The following MYOM1 variants were observed in gnomAD, a reference collection of about 807,000 sequenced individuals.
The protein encoded by MYOM1 is myomesin-1.
In MYOM1, 164 loss-of-function variants were observed where a neutral mutation model predicts 205.3. The ratio of observed to expected loss-of-function variants is 0.80; its 90% CI spans 0.70 to 0.91. The LOEUF is 0.91. MYOM1 is among the 40% of genes least tolerant of loss of function. The pLI is 0.00. For synonymous variants in MYOM1, 772 were observed against 789.4 expected, an observed-to-expected ratio of 0.98 and a Z score of 0.37; for missense variants, 2,011 against 2,127.3, an observed-to-expected ratio of 0.95 and a Z score of 1.08.
At chr18:3,175,046 AT>A (rs1442311065) in intron 6 of MYOM1, among the ~76,000 whole-genome samples, 2 of 151,676 alleles carry the variant, frequency 1.3e-5, no homozygotes, top group African/African-American at 2.4e-5. Context: ...ATTTGTGTAA[AT>A]TTTTTTTCTT....
At chr18:3,114,569 T>A (rs1407832256) in intron 21 of MYOM1, among the ~76,000 whole-genome samples, 1 of 131,992 alleles carries the variant, frequency 7.6e-6, no homozygotes, top group Admixed American at 7.6e-5. Flanking sequence ...TTTTTTTTTT[T>A]AGAGACAGGG....
At chr18:3,240,115 T>TAA in the MYOM1 span, among the ~76,000 whole-genome samples, 7 of 152,220 alleles carry the variant, frequency 4.6e-5, no homozygotes, top group Admixed American at 3.9e-4. Flanking sequence ...GATTCAAAAA[T>TAA]AATATTTGTG....
chr18:3,218,974 C>A (rs972073940), intron 1 of MYOM1, among the ~76,000 whole-genome samples: 6 of 152,092 alleles, frequency 3.9e-5, no homozygotes, highest in Non-Finnish European at 8.8e-5. Flanking sequence ...ATTGTCACAG[C>A]CCTGACCTCT....
intron 29 of MYOM1, among the ~76,000 whole-genome samples, chr18:3,087,792 T>G (rs868383021): frequency 6.6e-6 from 1 of 152,088 alleles, no homozygotes; most frequent in Non-Finnish European, 1.5e-5. Flanking sequence ...TCCCTGCCCC[T>G]CCTACTTTTT....
At chr18:3,174,268 G>A in intron 6 of MYOM1, 60 bp from the exon 7 acceptor site, 1 of 1,443,194 alleles carries the variant, frequency 6.9e-7, no homozygotes, top group Non-Finnish European at 9.7e-7. Context: ...ATTACTAGCT[G>A]TTCTATCAAG....
chr18:3,227,256 A>G, the MYOM1 span, among the ~76,000 whole-genome samples: 1 of 152,112 alleles, frequency 6.6e-6, no homozygotes, highest in Non-Finnish European at 1.5e-5. Flanking sequence ...CTGTGAAGGT[A>G]TATACATACA....
rs9967247 is a variant in MYOM1, at chr18:3,209,306, A to T, written c.290+5628T>A. On this transcript the variant is annotated intron_variant, in intron 2 of 37. Coordinates refer to ENST00000356443, the MANE Select transcript of MYOM1 (RefSeq NM_003803.4). This position sits in a 1 kb window ranked among gnomAD's most constrained non-coding sequence, Gnocchi z 4.0. ...AGAAATCTGACGGAATTCAGAACTCAGCCATGACCAGTAGATCCTCACATC... is the reference window on the plus strand; with the variant it reads ...AGAAATCTGACGGAATTCAGAACTCTGCCATGACCAGTAGATCCTCACATC... Among the ~76,000 whole-genome samples, 7,595 of 152,236 alleles carry T rather than the reference A, an allele frequency of 0.05. 587 individuals carry two copies. Among genetic ancestry groups the T allele is most frequent in the African/African-American group, 0.17 (6,869 of 41,520 alleles).
chr18:3,094,158 T>C lies in MYOM1; in HGVS notation c.3864+12A>G, dbSNP rs370173085. The C allele has an allele frequency of 2.3e-5, 37 of 1,613,486 alleles. No individual in the cohort carries two copies. The African/African-American group carries it at 4.1e-4, about 18-fold the overall frequency. ...ATGATACATTAAAAAGTCTAAACAGTGTAAAACCTACCGGGCCTTCAAAAA... is the reference window on the plus strand; with the variant it reads ...ATGATACATTAAAAAGTCTAAACAGCGTAAAACCTACCGGGCCTTCAAAAA... On this transcript the variant is annotated intron_variant, in intron 26 of 37. Transcript: ENST00000356443.
chr18:3,124,832 C>T (rs141233370), intron 19 of MYOM1, among the ~76,000 whole-genome samples: 1 of 152,012 alleles, frequency 6.6e-6, no homozygotes, highest in Non-Finnish European at 1.5e-5. Flanking sequence ...CACAAAGGCA[C>T]AAAAATCACT....
At position 3,100,276 on chromosome 18, in the gene MYOM1, T is replaced by C. The variant is rs201427969; in HGVS notation, c.3682+44A>G. ...AAGTCACTTAAGAATAACTGAGAAT[T>C]CAAAGCAACATTCGATGTGTGAATG... is the stretch of plus-strand genomic sequence containing the variant. On this transcript the variant is annotated intron_variant, in intron 24 of 37. Transcript: ENST00000356443. 5 of 1,612,684 alleles carry C rather than the reference T, an allele frequency of 3.1e-6. No homozygotes were observed. The East Asian group carries it at 1.1e-4, about 36-fold the overall frequency.
intron 10 of MYOM1, among the ~76,000 whole-genome samples, 194 bp from the exon 11 acceptor site, chr18:3,155,282 T>G (rs928403035): frequency 4.6e-5 from 7 of 152,070 alleles, no homozygotes; most frequent in Non-Finnish European, 8.8e-5. Flanking sequence ...AGGGCAGAGG[T>G]GGGATCTCAG....
intron 25 of MYOM1, among the ~76,000 whole-genome samples, chr18:3,096,473 G>T (rs1268135487): frequency 6.8e-6 from 1 of 148,132 alleles, no homozygotes; most frequent in Non-Finnish European, 1.5e-5. Context: ...TTTTGAGATG[G>T]AGTCTCACTC....
At chr18:3,096,773 T>C (rs2079311121) in intron 25 of MYOM1, among the ~76,000 whole-genome samples, 1 of 152,166 alleles carries the variant, frequency 6.6e-6, no homozygotes, top group Non-Finnish European at 1.5e-5. Flanking sequence ...TTATGCAGCA[T>C]GCTGATAATA....
intron 5 of MYOM1, among the ~76,000 whole-genome samples, chr18:3,185,055 G>A (rs1272990476): frequency 6.6e-6 from 1 of 152,222 alleles, no homozygotes; most frequent in Admixed American, 6.5e-5. Flanking sequence ...GGAATTTGAA[G>A]GGTTGACAGT....
intron 19 of MYOM1, among the ~76,000 whole-genome samples, chr18:3,122,588 A>C (rs2079712170): frequency 2.0e-5 from 3 of 152,208 alleles, no homozygotes; most frequent in African/African-American, 4.8e-5. Context: ...TTAGTATTAA[A>C]TTAATTCTAG....
rs754986396 is a variant in MYOM1, at chr18:3,188,859, A to AGACTGCCTGGATGCCGTG, written c.642_659dup (p.Thr215_Ser220dup). The AGACTGCCTGGATGCCGTG allele has an allele frequency of 5.1e-5, 82 of 1,612,954 alleles. No homozygotes were observed. The highest frequency in any genetic ancestry group is 3.6e-4 in the African/African-American group (27 of 74,546). On this transcript the variant is annotated inframe_insertion, in exon 4 of 38. Coordinates refer to ENST00000356443, the MANE Select transcript of MYOM1 (RefSeq NM_003803.4). Reference sequence around the variant, plus strand: ...CGGATGTGGCCTGTTTGGAAACCACAGACTGCCTGGATGCCGTGGACTGCC... The same window carrying AGACTGCCTGGATGCCGTG: ...CGGATGTGGCCTGTTTGGAAACCACAGACTGCCTGGATGCCGTGGACTGCCTGGATGCCGTGGACTGCC...
chr18:3,082,932 A>C (rs2079101393), intron 33 of MYOM1, among the ~76,000 whole-genome samples: 1 of 152,186 alleles, frequency 6.6e-6, no homozygotes, highest in African/African-American at 2.4e-5. Flanking sequence ...AACAACAACA[A>C]TAATCTTGGG....
At chr18:3,128,401 T>G (rs1262207695) in intron 18 of MYOM1, among the ~76,000 whole-genome samples, 1 of 152,184 alleles carries the variant, frequency 6.6e-6, no homozygotes, top group Admixed American at 6.5e-5. Context: ...TCATTGTTGT[T>G]TGATAGGAAA....
chr18:3,197,789 C>A (rs4539700), intron 2 of MYOM1, among the ~76,000 whole-genome samples: 2 of 151,648 alleles, frequency 1.3e-5, no homozygotes, highest in African/African-American at 4.9e-5. Context: ...AGGAGAATGG[C>A]GTGAACCTGG....
Sources: gnomAD v4.1 joint callset for allele counts (sites outside exome capture counted in the v4.1 genomes callset) on GRCh38, gnomAD v4.1.1 for gene constraint, Gnocchi (gnomAD v3.1) non-coding constraint, MANE v1.5 for transcripts, NCBI Gene and HGNC (gene_info 2026-07-23, HGNC 2026-07-21) for gene names.